The following MPPED1 variants were observed in gnomAD, a reference collection of about 807,000 sequenced individuals.
MPPED1 encodes the protein metallophosphoesterase domain-containing protein 1.
In MPPED1, 16 loss-of-function variants were observed where a neutral mutation model predicts 36.2. That is an observed-to-expected ratio of 0.44 (90% CI 0.30 to 0.67). MPPED1 has a LOEUF of 0.67. MPPED1 is among the 30% of genes least tolerant of loss of function. MPPED1 has a pLI of 0.10. For missense variants in MPPED1, 307 were observed against 453.4 expected (o/e 0.68, Z 2.93); for synonymous variants, 199 against 191.3 (o/e 1.04, Z -0.33).
intron 4 of MPPED1, among the ~76,000 whole-genome samples, chr22:43,487,737 G>A (rs751107416): frequency 6.6e-6 from 1 of 152,198 alleles, no homozygotes; most frequent in Non-Finnish European, 1.5e-5. Flanking sequence ...GGCACAGGAC[G>A]CAGGAGCTCT....
intron 3 of MPPED1, among the ~76,000 whole-genome samples, chr22:43,439,788 C>A (rs1217112998): frequency 6.6e-6 from 1 of 152,212 alleles, no homozygotes; most frequent in African/African-American, 2.4e-5. Context: ...TCAACACCAG[C>A]AGCACCATTT....
At chr22:43,498,935 T>A (rs1013015616) in intron 5 of MPPED1, among the ~76,000 whole-genome samples, 1 of 151,976 alleles carries the variant, frequency 6.6e-6, no homozygotes, top group African/African-American at 2.4e-5. Context: ...ACCACATCCC[T>A]CCCATTCCAC....
At chr22:43,496,431 AGGT>A (rs1192615628) in intron 4 of MPPED1, among the ~76,000 whole-genome samples, 3 of 14,998 alleles carry the variant, frequency 2.0e-4, no homozygotes, top group Non-Finnish European at 2.3e-4. Context: ...GTGGTGGTGG[AGGT>A]GGTGGTGGTG....
chr22:43,490,091 C>T (rs763725835), intron 4 of MPPED1, among the ~76,000 whole-genome samples: 85 of 152,288 alleles, frequency 5.6e-4, no homozygotes, highest in Non-Finnish European at 1.2e-3. Flanking sequence ...CTGGGGTGTC[C>T]GATGCCCACT....
At chr22:43,454,711 T>C (rs914959489) in intron 3 of MPPED1, among the ~76,000 whole-genome samples, 1 of 152,198 alleles carries the variant, frequency 6.6e-6, no homozygotes, top group African/African-American at 2.4e-5. Context: ...CCACCACACC[T>C]AGCTAATTTT....
rs571272098 is a variant in MPPED1, at chr22:43,420,175, C to T, written c.-78-4733C>T. On this transcript the variant is annotated intron_variant, in intron 1 of 6. Coordinates refer to ENST00000443721, the MANE Select transcript of MPPED1 (RefSeq NM_001044370.2). The stretch of plus-strand genomic sequence containing the variant: ...TTGAGTGACTTTCCCAGTGTCCTAC[C>T]GCTCAGCAGCCTGAGATGGAATTTA... 2.8e-4 allele frequency among the ~76,000 whole-genome samples: 43 copies of T among 152,234 alleles called. 1 individual carries two copies. The highest frequency in any genetic ancestry group is 1.4e-3 in the Admixed American group (21 of 15,300).
At chr22:43,479,716 C>T (rs1274479637) in intron 4 of MPPED1, among the ~76,000 whole-genome samples, 6 of 152,224 alleles carry the variant, frequency 3.9e-5, no homozygotes, top group Non-Finnish European at 7.3e-5. Flanking sequence ...GAGGTCCTCT[C>T]TCTGCTAGAC....
intron 3 of MPPED1, among the ~76,000 whole-genome samples, chr22:43,438,820 C>A (rs1042581074): frequency 6.6e-6 from 1 of 152,148 alleles, no homozygotes; most frequent in Non-Finnish European, 1.5e-5. Context: ...CGCTCAAGGG[C>A]CTCCATGAGC....
At chr22:43,422,243 G>GTC (rs1421782935) in intron 1 of MPPED1, among the ~76,000 whole-genome samples, 1 of 152,226 alleles carries the variant, frequency 6.6e-6, no homozygotes, top group African/African-American at 2.4e-5. Context: ...GCAATGAGAC[G>GTC]TCACTTCTGT....
intron 3 of MPPED1, among the ~76,000 whole-genome samples, chr22:43,460,262 A>AG (rs1478916908): frequency 1.6e-5 from 2 of 122,398 alleles, no homozygotes; most frequent in African/African-American, 6.8e-5. Flanking sequence ...AACAAACCCA[A>AG]ACCCCCCCCC....
At chr22:43,420,584 T>G (rs946848255) in intron 1 of MPPED1, among the ~76,000 whole-genome samples, 2 of 152,100 alleles carry the variant, frequency 1.3e-5, no homozygotes, top group African/African-American at 2.4e-5. Context: ...GTATTTTTAG[T>G]AGAGACAGGG....
intron 4 of MPPED1, among the ~76,000 whole-genome samples, chr22:43,477,923 C>T (rs1262922966): frequency 6.6e-6 from 1 of 152,030 alleles, no homozygotes; most frequent in Non-Finnish European, 1.5e-5. Context: ...TGGGCCCATC[C>T]AGGTGAAGGC....
At chr22:43,485,368 A>T (rs4134426) in intron 4 of MPPED1, among the ~76,000 whole-genome samples, 1 of 151,872 alleles carries the variant, frequency 6.6e-6, no homozygotes, top group Admixed American at 6.6e-5. Flanking sequence ...ATTCATACAC[A>T]TATGAATTCA....
In MPPED1 at chr22:43,500,272, A is replaced by AGGTGGTGGTGGTGAT. The variant is rs1344606345; in HGVS notation, c.748+1927_748+1928insTGGTGGTGATGGTGG. Among the ~76,000 whole-genome samples, 30 of 8,242 alleles carry AGGTGGTGGTGGTGAT rather than the reference A, an allele frequency of 3.6e-3. 1 individual carries two copies. The highest frequency in any genetic ancestry group is 5.5e-3 in the East Asian group (2 of 362). The allele number at this position is 8,242 out of a possible 152,430, so 5.4% of individuals were successfully genotyped here. On this transcript the variant is annotated intron_variant, in intron 5 of 6. Transcript: ENST00000443721. The stretch of plus-strand genomic sequence containing the variant: ...GTGATGATGGTGGTGATGGTGATGG[A>AGGTGGTGGTGGTGAT]GGTGGCGGTGGTGATGGGGGTGGTG...
intron 4 of MPPED1, among the ~76,000 whole-genome samples, chr22:43,484,065 C>T (rs751736485): frequency 6.6e-6 from 1 of 152,252 alleles, no homozygotes; most frequent in Non-Finnish European, 1.5e-5. Context: ...GACTATGTCG[C>T]CTGGTTGCAG....
intron 3 of MPPED1, among the ~76,000 whole-genome samples, chr22:43,456,785 C>T (rs796127048): frequency 2.6e-4 from 39 of 152,270 alleles, no homozygotes; most frequent in African/African-American, 7.9e-4. Context: ...CGTGAGCCAC[C>T]GCACCCGGTG....
intron 3 of MPPED1, among the ~76,000 whole-genome samples, chr22:43,450,324 G>T (rs1258657991): frequency 6.6e-6 from 1 of 152,220 alleles, no homozygotes. Flanking sequence ...GCCCTGAGAA[G>T]GTCATCACTC....
rs188025260 is a variant in MPPED1 at position 43,484,376 on chromosome 22, C to T, written c.632+9415C>T. On this transcript the variant is annotated intron_variant, in intron 4 of 6. Coordinates refer to ENST00000443721, the MANE Select transcript of MPPED1 (RefSeq NM_001044370.2). ...TCTCAGCCCTAGGAAGAGGCAGCCCCGGGTCTGGCTCAGGCGTGTAGACTT... is the reference window on the plus strand; with the variant it reads ...TCTCAGCCCTAGGAAGAGGCAGCCCTGGGTCTGGCTCAGGCGTGTAGACTT... Among the ~76,000 whole-genome samples the T allele has an allele frequency of 4.3e-3, 649 of 152,332 alleles. 4 individuals are homozygous for T. Among genetic ancestry groups the T allele is most frequent in the African/African-American group, 7.5e-3 (313 of 41,582 alleles).
chr22:43,504,149 A>G (rs1932771653), intron 6 of MPPED1, among the ~76,000 whole-genome samples: 1 of 150,902 alleles, frequency 6.6e-6, no homozygotes. Context: ...AATGTCAATG[A>G]TGATGATGAT....
Sources: allele counts gnomAD v4.1 joint callset (sites outside exome capture counted in the v4.1 genomes callset), GRCh38; gene constraint gnomAD v4.1.1; transcripts MANE v1.5; gene names NCBI Gene and HGNC (gene_info 2026-07-23, HGNC 2026-07-21).